RBFOX1: variants seen among roughly 807,000 people sequenced by gnomAD.
The protein encoded by RBFOX1 is RNA binding fox-1 homolog 1.
A neutral mutation model predicts 57.7 loss-of-function variants in RBFOX1; 8 were observed. The ratio of observed to expected loss-of-function variants is 0.14; its 90% CI spans 0.08 to 0.25. The LOEUF (loss-of-function observed/expected upper bound fraction) is 0.25. Among genes scored for constraint, RBFOX1 ranks in the 10% least tolerant of loss-of-function variants. The probability of loss-of-function intolerance (pLI) is 1.00; values close to 1 mark genes in which losing one functional copy is unlikely to be tolerated. For missense variants in RBFOX1, 611 were observed against 548.5 expected (o/e 1.11, Z -1.14); for synonymous variants, 326 against 222.4 (o/e 1.47, Z -4.15).
chr16:6,376,464 C>T (rs186328465), intron 2 of RBFOX1, among the ~76,000 whole-genome samples: 27 of 152,204 alleles, frequency 1.8e-4, no homozygotes, highest in Admixed American at 5.9e-4. Context: ...GTGAATCCTT[C>T]GTTGCCTTTT....
At chr16:5,365,818 A>T (rs1325077987) in intron 1 of RBFOX1, 5 of 517,600 alleles carry the variant, frequency 9.7e-6, no homozygotes, top group Non-Finnish European at 1.9e-5. Flanking sequence ...GTGGACATGG[A>T]CATGAGCCCC....
At chr16:5,467,924 T>G (rs2069003552) in intron 2 of RBFOX1, among the ~76,000 whole-genome samples, 1 of 152,212 alleles carries the variant, frequency 6.6e-6, no homozygotes. Context: ...TTATTATATA[T>G]GTAAATTTCC....
chr16:7,582,717 T>G (rs2093868698), intron 6 of RBFOX1, among the ~76,000 whole-genome samples: 1 of 152,204 alleles, frequency 6.6e-6, no homozygotes, highest in Non-Finnish European at 1.5e-5. Flanking sequence ...ACATCTTCTT[T>G]CCTTTTGGTG....
At chr16:6,878,190 T>G (rs1229867212) in intron 3 of RBFOX1, among the ~76,000 whole-genome samples, 1 of 152,150 alleles carries the variant, frequency 6.6e-6, no homozygotes, top group Non-Finnish European at 1.5e-5. Context: ...AGCAATATAT[T>G]GTATGGTCAC....
chr16:6,800,196 G>C (rs544821952), intron 3 of RBFOX1, among the ~76,000 whole-genome samples: 35 of 145,912 alleles, frequency 2.4e-4, no homozygotes, highest in African/African-American at 8.4e-4. Context: ...TTGAAAACAA[G>C]TCTTGCTGTT....
At chr16:6,825,266 C>T (rs938240643) in intron 3 of RBFOX1, among the ~76,000 whole-genome samples, 1 of 150,798 alleles carries the variant, frequency 6.6e-6, no homozygotes, top group Non-Finnish European at 1.5e-5. Context: ...AATGCCACAC[C>T]CCTTCCCTAC....
At chr16:7,654,242 A>C (rs1420729478) in intron 12 of RBFOX1, among the ~76,000 whole-genome samples, 2 of 152,214 alleles carry the variant, frequency 1.3e-5, no homozygotes, top group Admixed American at 6.5e-5. Context: ...GTTACAGCCA[A>C]AGATGTATTT....
At chr16:7,104,130 C>T (rs1347273574) in intron 4 of RBFOX1, among the ~76,000 whole-genome samples, 2 of 152,140 alleles carry the variant, frequency 1.3e-5, no homozygotes, top group African/African-American at 4.8e-5. Context: ...CTATCTGTAT[C>T]TGTATGGAAA....
At chr16:6,627,575 T>G (rs58942676) in intron 2 of RBFOX1, among the ~76,000 whole-genome samples, 7,221 of 152,194 alleles carry the variant, frequency 0.047, 612 homozygotes, top group African/African-American at 0.16. Context: ...GATGAGAAGA[T>G]AAGAACTATG....
chr16:7,160,310 T>G (rs768473644), intron 4 of RBFOX1, among the ~76,000 whole-genome samples: 6 of 152,276 alleles, frequency 3.9e-5, no homozygotes, highest in African/African-American at 9.6e-5. Context: ...ATTAGTCTTC[T>G]GGACTTTGAC....
chr16:7,034,600 C>G (rs1005758821), intron 3 of RBFOX1, among the ~76,000 whole-genome samples: 1 of 151,834 alleles, frequency 6.6e-6, no homozygotes, highest in African/African-American at 2.4e-5. Context: ...CAGAGAAGAT[C>G]CCTGGCAATG....
intron 3 of RBFOX1, among the ~76,000 whole-genome samples, chr16:6,877,750 AG>A (rs544253889): frequency 1.8e-4 from 27 of 152,276 alleles, no homozygotes; most frequent in Admixed American, 1.4e-3. Context: ...TTATTTCTGT[AG>A]GACTTTTAAA....
At chr16:6,543,706 A>G (rs1333669639) in intron 2 of RBFOX1, among the ~76,000 whole-genome samples, 3 of 152,248 alleles carry the variant, frequency 2.0e-5, no homozygotes, top group East Asian at 1.9e-4. Context: ...GATTATGTGG[A>G]AGTCTTTCCC....
chr16:5,691,861 C>T (rs559131409), intron 3 of RBFOX1, among the ~76,000 whole-genome samples: 24 of 152,252 alleles, frequency 1.6e-4, no homozygotes, highest in African/African-American at 5.5e-4. Flanking sequence ...AGTTGGGATT[C>T]AATCCCCATC....
At chr16:7,243,933 T>C (rs887580626) in intron 4 of RBFOX1, among the ~76,000 whole-genome samples, 2 of 151,888 alleles carry the variant, frequency 1.3e-5, no homozygotes, top group Non-Finnish European at 2.9e-5. Flanking sequence ...ATTTAAGAGA[T>C]TCATTAAACC....
chr16:6,263,383 G>C (rs187121558), intron 1 of RBFOX1, among the ~76,000 whole-genome samples: 8 of 152,126 alleles, frequency 5.3e-5, no homozygotes, highest in African/African-American at 1.2e-4. Flanking sequence ...TTTCACGGGA[G>C]GGTATAAAGA....
chr16:6,663,539 G>A (rs2098714143), intron 3 of RBFOX1, among the ~76,000 whole-genome samples: 2 of 152,132 alleles, frequency 1.3e-5, no homozygotes, highest in South Asian at 4.2e-4. Flanking sequence ...TTTCTAGAAT[G>A]GGGAGTATTC....
At chr16:6,669,311 T>G (rs1482326444) in intron 3 of RBFOX1, among the ~76,000 whole-genome samples, 1 of 152,164 alleles carries the variant, frequency 6.6e-6, no homozygotes, top group Non-Finnish European at 1.5e-5. Flanking sequence ...ATTCACTTCT[T>G]ATATTGTGCT....
chr16:5,585,442 C>A (rs1408963016), intron 2 of RBFOX1, among the ~76,000 whole-genome samples: 2 of 152,144 alleles, frequency 1.3e-5, no homozygotes, highest in Non-Finnish European at 2.9e-5. Flanking sequence ...CTGCTTTGGG[C>A]TCTCTTGGGA....
Sources: gnomAD v4.1 joint callset for allele counts (sites outside exome capture counted in the v4.1 genomes callset) on GRCh38, gnomAD v4.1.1 for gene constraint, MANE v1.5 for transcripts, NCBI Gene and HGNC (gene_info 2026-07-23, HGNC 2026-07-21) for gene names.